ATF1: variants seen among roughly 807,000 people sequenced by gnomAD.
ATF1 encodes the protein cyclic AMP-dependent transcription factor ATF-1.
ATF1 carries 16 observed loss-of-function variants against 34.7 expected under a neutral mutation model. The ratio of observed to expected loss-of-function variants is 0.46; its 90% CI spans 0.31 to 0.70. The LOEUF (loss-of-function observed/expected upper bound fraction) is 0.70, where lower values mean the gene tolerates loss of function less well. Among genes scored for constraint, ATF1 ranks in the 30% least tolerant of loss-of-function variants. ATF1 has a pLI of 0.05. For missense variants in ATF1, 255 were observed against 321.6 expected (o/e 0.79, Z 1.58); for synonymous variants, 105 against 113.1 (o/e 0.93, Z 0.46).
At chr12:50,764,080 G>T (rs61926301), upstream of ATF1, 51,417 of 143,632 alleles carry the variant, frequency 0.36, 9,019 homozygotes, top group Non-Finnish European at 0.4. Context: ...CCGCCCCCAG[G>T]CTTGTGTAGA....
At chr12:50,781,546 G>T (rs1483786832) in intron 2 of ATF1, among the ~76,000 whole-genome samples, 1 of 152,064 alleles carries the variant, frequency 6.6e-6, no homozygotes, top group Non-Finnish European at 1.5e-5. Context: ...CGCCTCCCGG[G>T]TTCAAACGAT....
chr12:50,786,679 C>T (rs1327718828), intron 2 of ATF1, among the ~76,000 whole-genome samples: 2 of 152,162 alleles, frequency 1.3e-5, no homozygotes, highest in Non-Finnish European at 2.9e-5. Context: ...AACCCACAAA[C>T]CCTGAGGGAA....
chr12:50,763,703 A>C (rs1215437073), upstream of ATF1: 1 of 151,236 alleles, frequency 6.6e-6, no homozygotes, highest in African/African-American at 2.4e-5. Flanking sequence ...TTCTCCTTCC[A>C]AGAGGACAGG....
At chr12:50,772,048 T>G (rs1940784944) in intron 1 of ATF1, among the ~76,000 whole-genome samples, 1 of 152,204 alleles carries the variant, frequency 6.6e-6, no homozygotes, top group Non-Finnish European at 1.5e-5. Context: ...CTTTACTTTC[T>G]TAATAAACTT....
At chr12:50,793,453 A>G (rs1159083201) in intron 2 of ATF1, among the ~76,000 whole-genome samples, 1 of 152,014 alleles carries the variant, frequency 6.6e-6, no homozygotes, top group Non-Finnish European at 1.5e-5. Flanking sequence ...GTGAAACCCC[A>G]TCTCTACTAA....
intron 2 of ATF1, among the ~76,000 whole-genome samples, chr12:50,793,711 AATT>A (rs1329005294): frequency 6.9e-6 from 1 of 144,798 alleles, no homozygotes; most frequent in African/African-American, 2.5e-5. Flanking sequence ...GTTATTTCTT[AATT>A]ATTATTGGGT....
intron 2 of ATF1, among the ~76,000 whole-genome samples, chr12:50,782,668 G>C (rs544825555): frequency 2.7e-4 from 38 of 141,970 alleles, no homozygotes; most frequent in Non-Finnish European, 5.1e-4. Context: ...GATTATAGGT[G>C]TGAGCCACTG....
At chr12:50,801,081 C>T (rs7977064) in intron 3 of ATF1, among the ~76,000 whole-genome samples, 37,312 of 152,106 alleles carry the variant, frequency 0.25, 5,265 homozygotes, top group Non-Finnish European at 0.32. Context: ...GGCGACAGAG[C>T]GAGACTCTGT....
chr12:50,803,229 C>G (rs1941548557), intron 3 of ATF1, among the ~76,000 whole-genome samples: 1 of 150,542 alleles, frequency 6.6e-6, no homozygotes. Flanking sequence ...GATCGCACCA[C>G]TGTGCTCCAG....
At chr12:50,792,380 T>A (rs1327674037) in intron 2 of ATF1, among the ~76,000 whole-genome samples, 1 of 152,250 alleles carries the variant, frequency 6.6e-6, no homozygotes, top group Non-Finnish European at 1.5e-5. Context: ...ATTTTGTTAA[T>A]TGAATTTGTA....
chr12:50,788,479 C>A (rs1941234094), intron 2 of ATF1, among the ~76,000 whole-genome samples: 1 of 151,778 alleles, frequency 6.6e-6, no homozygotes, highest in Non-Finnish European at 1.5e-5. Flanking sequence ...AGCCACTGCA[C>A]CTGGCCCTGT....
At chr12:50,780,297 A>T in intron 2 of ATF1, 59 bp downstream of exon 2, 1 of 1,394,910 alleles carries the variant, frequency 7.2e-7, no homozygotes. Flanking sequence ...ATGCAGATTA[A>T]TCTCGTTTCA....
chr12:50,809,140 G>A (rs1941678247), intron 3 of ATF1, among the ~76,000 whole-genome samples: 1 of 152,096 alleles, frequency 6.6e-6, no homozygotes, highest in Non-Finnish European at 1.5e-5. Flanking sequence ...TTGGGAAGAG[G>A]AGATGAGTGG....
intron 6 of ATF1, among the ~76,000 whole-genome samples, chr12:50,818,830 T>C (rs1166201177): frequency 6.6e-6 from 1 of 152,188 alleles, no homozygotes; most frequent in African/African-American, 2.4e-5. Flanking sequence ...GGTCTCGAAC[T>C]CCTGACCTCA....
At chr12:50,797,470 A>G (rs914521545) in intron 3 of ATF1, among the ~76,000 whole-genome samples, 3 of 152,150 alleles carry the variant, frequency 2.0e-5, no homozygotes, top group Admixed American at 1.3e-4. Flanking sequence ...CCTTATTTTT[A>G]TCTTTAAATT....
intron 6 of ATF1, among the ~76,000 whole-genome samples, chr12:50,816,250 C>T (rs1941840718): frequency 6.6e-6 from 1 of 151,928 alleles, no homozygotes. Flanking sequence ...TTGCTTGAGC[C>T]CAGGGGGTTG....
chr12:50,773,887 G>A (rs972473491), intron 1 of ATF1, among the ~76,000 whole-genome samples: 2 of 152,078 alleles, frequency 1.3e-5, no homozygotes, highest in African/African-American at 4.8e-5. Flanking sequence ...ACCATGCCAG[G>A]CCGGTAATCG....
chr12:50,788,296 C>T (rs1288227159), intron 2 of ATF1: 4 of 443,350 alleles, frequency 9.0e-6, no homozygotes, highest in Non-Finnish European at 4.5e-6. Flanking sequence ...AATCCTCCTG[C>T]CTCAGCTCCC....
chr12:50,780,182 G>A lies in ATF1; in HGVS notation c.37G>A (p.Ala13Thr). 1 of 1,613,904 alleles carries A rather than the reference G, an allele frequency of 6.2e-7. No individual in the cohort carries two copies. Among genetic ancestry groups the A allele is most frequent in the South Asian group, 1.1e-5 (1 of 91,062 alleles). ...CCACAAGAGTACCACGTCAGAGACA[G>A]CACCTCAACCTGGTTCAGCAGTTCA... is the stretch of plus-strand genomic sequence containing the variant. ...DSHKSTTSET[A>T]PQPGSAVQGA... Residue 13 changes from alanine (A) to threonine (T), a missense_variant, in exon 2 of 7, where the codon GCA becomes ACA. By Grantham distance (58) the Ala-to-Thr change is moderately conservative. Around this residue, in one of 2 missense-constraint regions of ATF1, gnomAD observed 221 missense variants for 250.7 expected, o/e 0.88. Transcript: ENST00000262053.
Sources: gnomAD v4.1 joint callset for allele counts (sites outside exome capture counted in the v4.1 genomes callset) on GRCh38, gnomAD v4.1.1 for gene constraint, gnomAD v4.1.1 regional missense constraint, MANE v1.5 for transcripts, NCBI Gene and HGNC (gene_info 2026-07-23, HGNC 2026-07-21) for gene names.